ESR1: variants seen among roughly 807,000 people sequenced by gnomAD.
The protein encoded by ESR1 is estrogen receptor 1, also known as estrogen receptor.
ESR1 carries 12 observed loss-of-function variants against 52.7 expected under a neutral mutation model. That is an observed-to-expected ratio of 0.23 (90% CI 0.15 to 0.37). The LOEUF (loss-of-function observed/expected upper bound fraction) is 0.37, where lower values mean the gene tolerates loss of function less well. ESR1 is among the 10% of genes least tolerant of loss of function. The pLI, the probability that ESR1 is intolerant of heterozygous loss-of-function variation, is 1.00. For missense variants in ESR1, 584 were observed against 779.7 expected (o/e 0.75, Z 2.99); for synonymous variants, 305 against 316.8 (o/e 0.96, Z 0.39).
intron 2 of ESR1, among the ~76,000 whole-genome samples, chr6:151,792,499 G>A (rs1436666827): frequency 1.3e-5 from 2 of 151,822 alleles, no homozygotes; most frequent in Non-Finnish European, 2.9e-5. Flanking sequence ...GAGTGCAGTG[G>A]CACAATCATA....
chr6:151,782,672 G>T (rs897734532), intron 2 of ESR1, among the ~76,000 whole-genome samples: 21 of 151,962 alleles, frequency 1.4e-4, no homozygotes, highest in Admixed American at 1.2e-3. Flanking sequence ...CATTATTCTG[G>T]CTGCCTTCTA....
At chr6:152,003,358 G>A (rs1478670430) in intron 4 of ESR1, among the ~76,000 whole-genome samples, 1 of 151,648 alleles carries the variant, frequency 6.6e-6, no homozygotes, top group African/African-American at 2.4e-5. Flanking sequence ...GTGTGTGTGT[G>A]TGTGTGTGTG....
In ESR1 at chr6:151,882,973, A is replaced by AAT. The variant is rs562917978; in HGVS notation, c.760+2209_760+2210dup. Among the ~76,000 whole-genome samples the AAT allele has an allele frequency of 6.6e-5, 10 of 152,272 alleles. No individual in the cohort carries two copies. In the East Asian group the frequency reaches 1.5e-3, roughly 23 times the overall value. ...TGCACATGTATATTGATGACTGTAA[A>AAT]ATATATATCTGTATTAGTTTTCTAG... is the stretch of plus-strand genomic sequence containing the variant. On this transcript the variant is annotated intron_variant, in intron 3 of 7. Coordinates refer to ENST00000206249, the MANE Select transcript of ESR1 (RefSeq NM_000125.4).
chr6:152,061,006 T>C lies in ESR1; in HGVS notation c.1251T>C (p.Cys417=). Residue 417 remains cysteine (C), a synonymous_variant, in exon 6 of 8, where the codon TGT becomes TGC. Coordinates refer to ENST00000206249, the MANE Select transcript of ESR1 (RefSeq NM_000125.4). The surrounding 1 kb of genome is among the most constrained non-coding windows in gnomAD (Gnocchi z 4.3). ...GTTTTCATAGGAACCAGGGAAAATG[T>C]GTAGAGGGCATGGTGGAGATCTTCG... ...NLLLDRNQGK[C]VEGMVEIFDM... The C allele has an allele frequency of 2.5e-6, 4 of 1,611,002 alleles. No individual in the cohort carries two copies. The highest frequency in any genetic ancestry group is 3.4e-6 in the Non-Finnish European group (4 of 1,178,026).
At chr6:151,964,264 A>G (rs2038003734) in intron 4 of ESR1, among the ~76,000 whole-genome samples, 1 of 152,168 alleles carries the variant, frequency 6.6e-6, no homozygotes, top group Non-Finnish European at 1.5e-5. Context: ...TTTGGATAGC[A>G]TAGATTTTTT....
intron 1 of ESR1, among the ~76,000 whole-genome samples, chr6:151,692,378 C>T (rs7748348): frequency 2.4e-3 from 372 of 152,316 alleles, no homozygotes; most frequent in African/African-American, 8.2e-3. Flanking sequence ...TCAGAACAAT[C>T]GCTTGGGCTG....
At chr6:152,111,287 A>G (rs973737205) in intron 6 of ESR1, among the ~76,000 whole-genome samples, 2 of 152,232 alleles carry the variant, frequency 1.3e-5, no homozygotes, top group Non-Finnish European at 2.9e-5. Context: ...CAAACATTTA[A>G]AAAAGTGATT....
At chr6:151,884,899 A>G (rs1793596953) in intron 3 of ESR1, among the ~76,000 whole-genome samples, 1 of 152,140 alleles carries the variant, frequency 6.6e-6, no homozygotes, top group Non-Finnish European at 1.5e-5. Context: ...TTCAAAATCA[A>G]GGTGCTGGAA....
intron 2 of ESR1, among the ~76,000 whole-genome samples, chr6:151,874,515 A>T (rs565429937): frequency 6.6e-6 from 1 of 152,334 alleles, no homozygotes; most frequent in Admixed American, 6.5e-5. Context: ...ACTACACCAC[A>T]TACTTATGGC....
chr6:151,942,622 G>A (rs2035201717), intron 3 of ESR1, among the ~76,000 whole-genome samples: 1 of 150,912 alleles, frequency 6.6e-6, no homozygotes, highest in African/African-American at 2.4e-5. Context: ...TTTTTGAAGT[G>A]TCATTTAATA....
Position 151,995,771 on chromosome 6 carries a change from TACA to T in ESR1, c.1097-15879_1097-15877del, listed in dbSNP as rs1480238365. ...TTGAATCACCTTGAATCACAATGAG[TACA>T]ACAACTGCTAATGAGCTAACACTTA... On this transcript the variant is annotated intron_variant, in intron 4 of 7. Transcript: ENST00000206249. 2.6e-5 allele frequency among the ~76,000 whole-genome samples: 4 copies of T among 152,128 alleles called. No homozygotes were observed. The East Asian group carries it at 7.7e-4, about 29-fold the overall frequency.
At chr6:151,826,340 A>C (rs1348378568) in intron 1 of ESR1, among the ~76,000 whole-genome samples, 1 of 152,208 alleles carries the variant, frequency 6.6e-6, no homozygotes, top group Non-Finnish European at 1.5e-5. Context: ...CCTTATATTC[A>C]GAGATTTTAG....
intron 2 of ESR1, among the ~76,000 whole-genome samples, chr6:151,703,067 G>A (rs1413246780): frequency 6.6e-6 from 1 of 152,180 alleles, no homozygotes; most frequent in African/African-American, 2.4e-5. Context: ...CAATCAGCTT[G>A]AGATGCCAGT....
rs1284910890 is a variant in ESR1, at chr6:152,012,048, T to TCA, written c.1235+258_1235+259dup. Among the ~76,000 whole-genome samples, 460 of 91,854 alleles carry TCA rather than the reference T, an allele frequency of 5.0e-3. 4 individuals carry two copies. The highest frequency in any genetic ancestry group is 0.017 in the African/African-American group (372 of 22,462). 60.3% of individuals were successfully genotyped at this position (91,854 alleles called of 152,430 possible). ...CACACACACACACACACACACACACTCACACTCTCTCTCTCTCTCTCTCTG... is the reference window on the plus strand; with the variant it reads ...CACACACACACACACACACACACACTCACACACTCTCTCTCTCTCTCTCTCTG... On this transcript the variant is annotated intron_variant, in intron 5 of 7. Coordinates refer to ENST00000206249, the MANE Select transcript of ESR1 (RefSeq NM_000125.4).
chr6:151,894,030 C>T (rs1038102299), intron 3 of ESR1, among the ~76,000 whole-genome samples: 3 of 152,116 alleles, frequency 2.0e-5, no homozygotes, highest in Admixed American at 6.5e-5. Flanking sequence ...TAGAAATGTT[C>T]GCTTTTCACT....
chr6:151,801,024 T>C (rs1562416873), upstream of ESR1, among the ~76,000 whole-genome samples: 1 of 149,684 alleles, frequency 6.7e-6, no homozygotes, highest in East Asian at 2.0e-4. Flanking sequence ...GGCTCTGAAA[T>C]TGGGGATGGT....
At chr6:151,929,523 T>C (rs537777538) in intron 3 of ESR1, among the ~76,000 whole-genome samples, 34 of 152,274 alleles carry the variant, frequency 2.2e-4, no homozygotes, top group South Asian at 4.1e-4. Context: ...GCTTAAAACC[T>C]AGATGACAGG....
intron 3 of ESR1, among the ~76,000 whole-genome samples, chr6:151,906,500 A>G (rs1489508528): frequency 6.6e-6 from 1 of 151,832 alleles, no homozygotes; most frequent in East Asian, 1.9e-4. Flanking sequence ...TTATTAAAAA[A>G]TAGTTGCCTG....
At chr6:151,771,817 G>A (rs1023599194) in intron 2 of ESR1, among the ~76,000 whole-genome samples, 4 of 151,898 alleles carry the variant, frequency 2.6e-5, no homozygotes, top group Admixed American at 1.3e-4. Flanking sequence ...TCTTTAAAAT[G>A]AACAAGTGTT....
Sources: allele counts gnomAD v4.1 joint callset (sites outside exome capture counted in the v4.1 genomes callset), GRCh38; gene constraint gnomAD v4.1.1; non-coding constraint Gnocchi (gnomAD v3.1); transcripts MANE v1.5; gene names NCBI Gene and HGNC (gene_info 2026-07-23, HGNC 2026-07-21).